Variants in CACNA2D1 observed in about 807,000 individuals in gnomAD.
CACNA2D1 encodes voltage-dependent calcium channel subunit alpha-2/delta-1.
In CACNA2D1, 53 loss-of-function variants were observed where a neutral mutation model predicts 171.5. That is an observed-to-expected ratio of 0.31 (90% CI 0.25 to 0.39). The LOEUF (loss-of-function observed/expected upper bound fraction) is 0.39, where lower values mean the gene tolerates loss of function less well. Among genes scored for constraint, CACNA2D1 ranks in the 10% least tolerant of loss-of-function variants. The pLI is 1.00. For synonymous variants in CACNA2D1, 442 were observed against 443.1 expected (o/e 1.00, Z 0.03); for missense variants, 903 against 1,299.8 (o/e 0.69, Z 4.69).
At chr7:82,010,297 T>C (rs1355353154) in intron 15 of CACNA2D1, among the ~76,000 whole-genome samples, 2 of 152,076 alleles carry the variant, frequency 1.3e-5, no homozygotes, top group Non-Finnish European at 2.9e-5. Context: ...ACTAGGAATA[T>C]ATGAGGATCA....
intron 3 of CACNA2D1, among the ~76,000 whole-genome samples, chr7:82,298,109 G>C (rs993273830): frequency 6.6e-6 from 1 of 151,784 alleles, no homozygotes; most frequent in Non-Finnish European, 1.5e-5. Context: ...TATACACACC[G>C]ACTGGTAATT....
At chr7:82,422,742 A>G (rs1828822565) in intron 1 of CACNA2D1, among the ~76,000 whole-genome samples, 2 of 152,304 alleles carry the variant, frequency 1.3e-5, no homozygotes, top group South Asian at 4.1e-4. Context: ...TTAAAAAAAT[A>G]GATAACCTTG....
At chr7:82,327,702 T>C (rs549272696) in intron 3 of CACNA2D1, among the ~76,000 whole-genome samples, 53 of 152,328 alleles carry the variant, frequency 3.5e-4, no homozygotes, top group Non-Finnish European at 6.9e-4. Flanking sequence ...TTGACACTTC[T>C]TAGCAGCTCA....
intron 3 of CACNA2D1, among the ~76,000 whole-genome samples, chr7:82,303,209 G>A (rs918217067): frequency 6.6e-6 from 1 of 152,042 alleles, no homozygotes; most frequent in Non-Finnish European, 1.5e-5. Flanking sequence ...ATGTTAGCCA[G>A]GATGGTCTCT....
At chr7:82,157,684 C>G (rs1794508198) in intron 4 of CACNA2D1, among the ~76,000 whole-genome samples, 1 of 151,980 alleles carries the variant, frequency 6.6e-6, no homozygotes, top group Admixed American at 6.6e-5. Flanking sequence ...TAGTCATTTT[C>G]AGCATAGGAC....
At chr7:82,113,415 G>T (rs1016587399) in intron 6 of CACNA2D1, among the ~76,000 whole-genome samples, 1 of 152,006 alleles carries the variant, frequency 6.6e-6, no homozygotes, top group Non-Finnish European at 1.5e-5. Flanking sequence ...AATTAAGTAT[G>T]GTTTGGGTGT....
At chr7:82,440,409 A>T (rs1229601380) in intron 1 of CACNA2D1, among the ~76,000 whole-genome samples, 2 of 151,942 alleles carry the variant, frequency 1.3e-5, no homozygotes, top group African/African-American at 2.4e-5. Flanking sequence ...TTATTTCTAG[A>T]AAAACGGACA....
At chr7:82,134,193 C>T (rs1403616311) in intron 5 of CACNA2D1, among the ~76,000 whole-genome samples, 2 of 152,022 alleles carry the variant, frequency 1.3e-5, no homozygotes, top group Non-Finnish European at 2.9e-5. Flanking sequence ...CATCTTCTTC[C>T]CTCCTTTTGA....
intron 11 of CACNA2D1, among the ~76,000 whole-genome samples, chr7:82,037,646 A>G (rs534717359): frequency 6.6e-6 from 1 of 152,138 alleles, no homozygotes; most frequent in Non-Finnish European, 1.5e-5. Context: ...CTTTCTGTAC[A>G]TTTTAGGAAC....
In CACNA2D1 at chr7:81,969,892, G is replaced by C. The variant is rs1292115863; in HGVS notation, c.2297C>G (p.Pro766Arg). The change falls in exon 28 of 39, where the codon CCC becomes CGC. Residue 766 changes from proline to arginine, a missense_variant. Around this residue, in one of 5 missense-constraint regions of CACNA2D1, gnomAD observed 623 missense variants for 925.5 expected, o/e 0.67. Transcript: ENST00000356860. ...LDNDNYVFTA[P>R]YFNKSGPGAY... ...AAAGCAATACTTACTGTTAAAGTAG[G>C]GAGCAGTGAAAACATAGTTATCATT... The C allele has an allele frequency of 6.4e-7, 1 of 1,571,294 alleles. No homozygotes were observed. Among genetic ancestry groups the C allele is most frequent in the African/African-American group, 1.4e-5 (1 of 73,992 alleles).
rs1024010075 is a variant in CACNA2D1 at position 81,950,460 on chromosome 7, A to G, written c.3208T>C (p.Trp1070Arg). The change falls in exon 39 of 39, where the codon TGG becomes CGG. Residue 1070 changes from tryptophan to arginine, a missense_variant. Around this residue, in one of 5 missense-constraint regions of CACNA2D1, gnomAD observed 38 missense variants for 29.2 expected, o/e 1.30. Coordinates refer to ENST00000356860, the MANE Select transcript of CACNA2D1 (RefSeq NM_000722.4). ...AGAAACTGGATTCCAATGATATACC[A>G]CAGGGAGGGATTTAATCCAGAAACA... ...GGVSGLNPSL[W>R]YIIGIQFLLL... The G allele has an allele frequency of 9.9e-6, 16 of 1,613,176 alleles. No homozygotes were observed. Among genetic ancestry groups the G allele is most frequent in the African/African-American group, 1.3e-5 (1 of 74,838 alleles).
intron 1 of CACNA2D1, among the ~76,000 whole-genome samples, chr7:82,418,657 T>G (rs1242829322): frequency 6.6e-6 from 1 of 152,126 alleles, no homozygotes; most frequent in African/African-American, 2.4e-5. Flanking sequence ...ATACACCACT[T>G]TGTGGTGTCA....
chr7:81,971,691 T>C, intron 26 of CACNA2D1, 86 bp downstream of exon 26: 3 of 781,940 alleles, frequency 3.8e-6, no homozygotes, highest in South Asian at 1.5e-5. Flanking sequence ...GAACTGTAAA[T>C]TTATGAGATT....
intron 1 of CACNA2D1, among the ~76,000 whole-genome samples, chr7:82,426,271 T>C (rs1438144919): frequency 6.6e-6 from 1 of 152,164 alleles, no homozygotes; most frequent in Non-Finnish European, 1.5e-5. Context: ...TTCACATCTT[T>C]TTTGTATCCA....
intron 17 of CACNA2D1, 68 bp downstream of exon 17, chr7:82,005,697 A>C: frequency 9.0e-7 from 1 of 1,108,584 alleles, no homozygotes. Flanking sequence ...GAATTACCTA[A>C]GTGCCAAGCT....
At chr7:82,258,276 C>T (rs1806544807) in intron 3 of CACNA2D1, among the ~76,000 whole-genome samples, 1 of 151,164 alleles carries the variant, frequency 6.6e-6, no homozygotes, top group Non-Finnish European at 1.5e-5. Flanking sequence ...TTCTCTTTTT[C>T]ACCTACTCCT....
chr7:82,201,952 T>C (rs1799480604), intron 3 of CACNA2D1, among the ~76,000 whole-genome samples: 1 of 152,202 alleles, frequency 6.6e-6, no homozygotes, highest in Non-Finnish European at 1.5e-5. Context: ...GCTCTGCTTC[T>C]AGGAGGCCTG....
intron 3 of CACNA2D1, among the ~76,000 whole-genome samples, chr7:82,288,227 T>G (rs2129390340): frequency 6.6e-6 from 1 of 152,210 alleles, no homozygotes; most frequent in East Asian, 1.9e-4. Context: ...TATTAAAACT[T>G]GTTTTGTTTT....
intron 18 of CACNA2D1, among the ~76,000 whole-genome samples, chr7:82,002,982 G>A (rs1281383927): frequency 2.6e-5 from 4 of 151,710 alleles, no homozygotes; most frequent in African/African-American, 7.3e-5. Context: ...TTGTATTAAT[G>A]AATTTCTGAT....
Sources: allele counts gnomAD v4.1 joint callset (sites outside exome capture counted in the v4.1 genomes callset), GRCh38; gene constraint gnomAD v4.1.1; regional missense constraint gnomAD v4.1.1; transcripts MANE v1.5; gene names NCBI Gene and HGNC (gene_info 2026-07-23, HGNC 2026-07-21).